KHDRBS2: variants seen among roughly 807,000 people sequenced by gnomAD.
The protein encoded by KHDRBS2 is KH domain-containing, RNA-binding, signal transduction-associated protein 2.
Under a neutral mutation model 44.3 loss-of-function variants are expected in KHDRBS2, and 26 were observed. The observed-to-expected ratio is 0.59, with a 90% confidence interval of 0.43 to 0.81. The LOEUF (loss-of-function observed/expected upper bound fraction) is 0.81. Among genes scored for constraint, KHDRBS2 ranks in the 40% least tolerant of loss-of-function variants. The pLI is 0.00. For synonymous variants in KHDRBS2, 194 were observed against 151.1 expected, an observed-to-expected ratio of 1.28 and a Z score of -2.08; for missense variants, 476 against 433.1, an observed-to-expected ratio of 1.10 and a Z score of -0.88.
chr6:62,231,704 G>A (rs1244389167), intron 1 of KHDRBS2, among the ~76,000 whole-genome samples: 1 of 152,002 alleles, frequency 6.6e-6, no homozygotes, highest in Non-Finnish European at 1.5e-5. Context: ...ATAAAATATT[G>A]TTTGCACTAC....
At chr6:61,997,374 C>G (rs956757011) in intron 3 of KHDRBS2, among the ~76,000 whole-genome samples, 1 of 152,152 alleles carries the variant, frequency 6.6e-6, no homozygotes, top group Non-Finnish European at 1.5e-5. Flanking sequence ...ATGGAGACCT[C>G]TAGGATTGTC....
At chr6:61,933,864 A>G (rs1474523985) in intron 4 of KHDRBS2, among the ~76,000 whole-genome samples, 1 of 152,140 alleles carries the variant, frequency 6.6e-6, no homozygotes, top group African/African-American at 2.4e-5. Context: ...TAAGTTTTTA[A>G]GGACCTTCCA....
chr6:61,761,771 C>T (rs777573562), intron 6 of KHDRBS2, among the ~76,000 whole-genome samples: 11 of 152,122 alleles, frequency 7.2e-5, no homozygotes, highest in South Asian at 2.1e-4. Context: ...GATACTAATA[C>T]AAACATTGTA....
chr6:61,780,429 G>A (rs137872316), intron 6 of KHDRBS2, among the ~76,000 whole-genome samples: 1 of 152,250 alleles, frequency 6.6e-6, no homozygotes, highest in African/African-American at 2.4e-5. Flanking sequence ...GAGCCTGGGA[G>A]GCAGAGGTTG....
chr6:62,049,493 C>CAAAA (rs35805614), intron 2 of KHDRBS2, among the ~76,000 whole-genome samples: 7 of 148,168 alleles, frequency 4.7e-5, no homozygotes, highest in African/African-American at 1.5e-4. Context: ...CAAAGAGCAC[C>CAAAA]AAAAAAAAAA....
At chr6:62,209,029 G>T (rs1390191507) in intron 1 of KHDRBS2, among the ~76,000 whole-genome samples, 2 of 152,062 alleles carry the variant, frequency 1.3e-5, no homozygotes, top group Admixed American at 1.3e-4. Flanking sequence ...AAAAGCTTCT[G>T]CACAACAAAG....
chr6:62,112,742 G>A (rs1302042007), intron 2 of KHDRBS2, among the ~76,000 whole-genome samples: 1 of 152,086 alleles, frequency 6.6e-6, no homozygotes, highest in Non-Finnish European at 1.5e-5. Context: ...GTGACAAACA[G>A]GAATACTGTC....
intron 6 of KHDRBS2, among the ~76,000 whole-genome samples, chr6:61,815,351 C>T (rs1788750915): frequency 6.6e-6 from 1 of 152,100 alleles, no homozygotes. Context: ...ATTTAATATT[C>T]TCAGACCATG....
At chr6:61,543,757 T>A in the KHDRBS2 span, among the ~76,000 whole-genome samples, 2 of 151,936 alleles carry the variant, frequency 1.3e-5, 1 homozygote, top group African/African-American at 4.8e-5. Context: ...CACAATGGAG[T>A]ACTATTCAGC....
intron 2 of KHDRBS2, among the ~76,000 whole-genome samples, chr6:62,149,584 G>T (rs1814659452): frequency 6.6e-6 from 1 of 152,094 alleles, no homozygotes; most frequent in South Asian, 2.1e-4. Context: ...GGTGTTTGTT[G>T]TTCCACTGCC....
chr6:61,589,656 A>G, the KHDRBS2 span, among the ~76,000 whole-genome samples: 1 of 152,190 alleles, frequency 6.6e-6, no homozygotes, highest in Admixed American at 6.5e-5. Context: ...GAACAAGTTA[A>G]GGGTGCAAGG....
chr6:61,905,602 A>G (rs1436504045), intron 4 of KHDRBS2, among the ~76,000 whole-genome samples: 1 of 152,244 alleles, frequency 6.6e-6, no homozygotes, highest in Non-Finnish European at 1.5e-5. Flanking sequence ...TGATAACTGA[A>G]GGATGAAGAC....
rs376778935 is a variant in KHDRBS2 at position 62,209,023 on chromosome 6, G to T, written c.92-31711C>A. ...AAATGGGACTACATCAAACTAAAAA[G>T]CTTCTGCACAACAAAGGAAACAATC... On this transcript the variant is annotated intron_variant, in intron 1 of 8. Coordinates refer to ENST00000281156, the MANE Select transcript of KHDRBS2 (RefSeq NM_152688.4). Among the ~76,000 whole-genome samples the T allele has an allele frequency of 1.7e-3, 260 of 152,238 alleles. 7 individuals are homozygous for T. In the South Asian group the frequency reaches 0.051, roughly 30 times the overall value.
chr6:61,607,519 G>GAAAAA, the KHDRBS2 span, among the ~76,000 whole-genome samples: 187 of 23,320 alleles, frequency 8.0e-3, 20 homozygotes, highest in African/African-American at 0.024. Flanking sequence ...TGAGTTCCAA[G>GAAAAA]CAAAAAAAAA....
At chr6:62,283,279 A>G (rs1295781125) in intron 1 of KHDRBS2, among the ~76,000 whole-genome samples, 2 of 152,270 alleles carry the variant, frequency 1.3e-5, no homozygotes, top group Admixed American at 1.3e-4. Flanking sequence ...AAAACAAACT[A>G]CAATGGACCC....
chr6:61,726,512 A>G (rs1033157842), intron 7 of KHDRBS2, among the ~76,000 whole-genome samples: 3 of 152,164 alleles, frequency 2.0e-5, no homozygotes, highest in Non-Finnish European at 4.4e-5. Context: ...ATAATCCTAT[A>G]TCCAGAAAAC....
chr6:62,060,241 A>G (rs1791431233), intron 2 of KHDRBS2, among the ~76,000 whole-genome samples: 1 of 151,848 alleles, frequency 6.6e-6, no homozygotes, highest in South Asian at 2.1e-4. Flanking sequence ...TCTGATCTTT[A>G]GGTAAAAGCA....
At chr6:61,946,195 A>G (rs1056735885) in intron 4 of KHDRBS2, among the ~76,000 whole-genome samples, 6 of 152,198 alleles carry the variant, frequency 3.9e-5, no homozygotes, top group African/African-American at 1.4e-4. Context: ...CATTATAAAC[A>G]TATTTGTGTA....
chr6:61,644,974 C>A, the KHDRBS2 span, among the ~76,000 whole-genome samples: 1 of 152,148 alleles, frequency 6.6e-6, no homozygotes, highest in South Asian at 2.1e-4. Flanking sequence ...GGTATATACT[C>A]AAAAGAATAA....
Sources: gnomAD v4.1 joint callset for allele counts (sites outside exome capture counted in the v4.1 genomes callset) on GRCh38, gnomAD v4.1.1 for gene constraint, MANE v1.5 for transcripts, NCBI Gene and HGNC (gene_info 2026-07-23, HGNC 2026-07-21) for gene names.